TBC1D8: variants seen among roughly 807,000 people sequenced by gnomAD.
The protein encoded by TBC1D8 is TBC1 domain family member 8.
A neutral mutation model predicts 118.8 loss-of-function variants in TBC1D8; 65 were observed. The observed-to-expected ratio is 0.55, with a 90% CI of 0.45 to 0.67. TBC1D8 has a LOEUF of 0.67. TBC1D8 is among the 30% of genes least tolerant of loss of function. The pLI is 0.00. For missense variants in TBC1D8, 1,376 were observed against 1,471.2 expected, an observed-to-expected ratio of 0.94 and a Z score of 1.06; for synonymous variants, 566 against 595.8, an observed-to-expected ratio of 0.95 and a Z score of 0.73.
chr2:101,073,722 A>T (rs1019840561), intron 2 of TBC1D8, among the ~76,000 whole-genome samples: 2 of 152,146 alleles, frequency 1.3e-5, no homozygotes, highest in African/African-American at 4.8e-5. Flanking sequence ...TTGTACTTTT[A>T]TGTTATGGAG....
chr2:101,145,332 A>C (rs530246773), intron 1 of TBC1D8, among the ~76,000 whole-genome samples: 2 of 152,200 alleles, frequency 1.3e-5, no homozygotes, highest in Non-Finnish European at 2.9e-5. Flanking sequence ...TATGATCCTA[A>C]AATCAAACTA....
intron 2 of TBC1D8, among the ~76,000 whole-genome samples, chr2:101,086,944 T>A (rs1345728717): frequency 1.3e-5 from 2 of 151,934 alleles, no homozygotes; most frequent in Admixed American, 1.3e-4. Context: ...CAACCACCCC[T>A]GGCTAATTTC....
intron 1 of TBC1D8, among the ~76,000 whole-genome samples, chr2:101,117,740 A>AT (rs577356601): frequency 6.2e-4 from 94 of 151,018 alleles, no homozygotes; most frequent in Non-Finnish European, 1.2e-3. Flanking sequence ...TGCCTGGCTA[A>AT]TTTTTTTTGT....
chr2:101,021,061 A>G (rs1680001600), intron 17 of TBC1D8, among the ~76,000 whole-genome samples: 1 of 152,156 alleles, frequency 6.6e-6, no homozygotes, highest in South Asian at 2.1e-4. Flanking sequence ...AATCCCCCTC[A>G]GTGCCTACCA....
intron 2 of TBC1D8, among the ~76,000 whole-genome samples, 172 bp downstream of exon 2, chr2:101,090,037 G>A (rs536779555): frequency 2.6e-4 from 39 of 149,652 alleles, no homozygotes; most frequent in African/African-American, 9.1e-4. Flanking sequence ...CAGGGGAGAG[G>A]AGGGAAGGAG....
Position 101,022,327 on chromosome 2 carries a change from G to T in TBC1D8, c.2715C>A (p.Asp905Glu), listed in dbSNP as rs1242488514. ...TGAACTCGATGAGCTGGTCCATGTT[G>T]TCATCCAAGAGCCTGAACGTCCTTT... Reference protein sequence around the residue: ...LAERTFRLLDDNMDQLIEFKA... With the variant: ...LAERTFRLLDENMDQLIEFKA... Residue 905 changes from aspartate to glutamate, a missense_variant, in exon 16 of 20, where the codon GAC becomes GAA. Transcript: ENST00000409318. The T allele has an allele frequency of 1.9e-6, 3 of 1,612,820 alleles. No individual in the cohort carries two copies. Among genetic ancestry groups the T allele is most frequent in the Non-Finnish European group, 2.5e-6 (3 of 1,179,608 alleles).
chr2:101,038,463 T>C lies in TBC1D8; in HGVS notation c.1273A>G (p.Met425Val). The C allele has an allele frequency of 6.2e-7, 1 of 1,613,406 alleles. No individual in the cohort carries two copies. The highest frequency in any genetic ancestry group is 1.3e-5 in the African/African-American group (1 of 75,022). Residue 425 changes from methionine (M) to valine (V), a missense_variant and splice_region_variant, in exon 7 of 20, where the codon ATG (methionine) becomes GTG (valine). Transcript: ENST00000409318. ...VHYDTSADDD[M>V]ASLVFHSTSM... ...ATCAGGGTCTGGAGGGACCATACCA[T>C]GTCATCATCCGCAGAGGTGTCGTAG...
At chr2:101,023,132 GT>G (rs113530011) in intron 15 of TBC1D8, among the ~76,000 whole-genome samples, 1 of 138,922 alleles carries the variant, frequency 7.2e-6, no homozygotes. Flanking sequence ...GCAACAGAGC[GT>G]TTTTTTTGTT....
At chr2:101,043,854 C>T (rs1224687347) in intron 5 of TBC1D8, among the ~76,000 whole-genome samples, 2 of 152,106 alleles carry the variant, frequency 1.3e-5, no homozygotes, top group Admixed American at 6.5e-5. Context: ...GCAAGAGAAT[C>T]GCTTGAACCC....
At chr2:101,136,593 A>G (rs566344694) in intron 1 of TBC1D8, among the ~76,000 whole-genome samples, 1 of 152,354 alleles carries the variant, frequency 6.6e-6, no homozygotes, top group South Asian at 2.1e-4. Flanking sequence ...AGTGAGCATC[A>G]AAGCCTTCCT....
chr2:101,022,575 T>C, intron 15 of TBC1D8, 54 bp from the exon 16 acceptor site: 3 of 1,556,146 alleles, frequency 1.9e-6, no homozygotes, highest in Non-Finnish European at 2.6e-6. Flanking sequence ...CAAGCCACGT[T>C]ATTAACACAA....
intron 16 of TBC1D8, 99 bp downstream of exon 16, chr2:101,022,182 T>C: frequency 6.4e-7 from 1 of 1,557,682 alleles, no homozygotes; most frequent in East Asian, 2.3e-5. Flanking sequence ...ACAAAAGTGT[T>C]ACACCATGTG....
chr2:101,027,506 G>C, intron 14 of TBC1D8, 55 bp from the exon 15 acceptor site: 1 of 1,532,860 alleles, frequency 6.5e-7, no homozygotes, highest in East Asian at 2.3e-5. Context: ...ACCCCCAGGG[G>C]TCAGGGCAAG....
At position 101,008,057 on chromosome 2, in the gene TBC1D8, T is replaced by C; in HGVS notation, c.3232A>G (p.Thr1078Ala). ...TGGGAGTCCTGGGGCGTCTTCCCAG[T>C]GTCTGCAAAAACCGAGTCCTCAGGA... ...PSPEDSVFAD[T>A]GKTPQDSQAF... is the part of the protein sequence containing the mutation. The change falls in exon 20 of 20, where the codon ACT (threonine) becomes GCT (alanine). Residue 1078 changes from threonine (T) to alanine (A), a missense_variant. Coordinates refer to ENST00000409318, the MANE Select transcript of TBC1D8 (RefSeq NM_001330348.2). 1.2e-6 allele frequency: 2 copies of C among 1,613,972 alleles called. No homozygotes were observed. The highest frequency in any genetic ancestry group is 1.7e-6 in the Non-Finnish European group (2 of 1,179,882).
At chr2:101,022,585 A>G (rs1387789124) in intron 15 of TBC1D8, 64 bp from the exon 16 acceptor site, 18 of 1,536,066 alleles carry the variant, frequency 1.2e-5, no homozygotes, top group Non-Finnish European at 1.6e-5. Flanking sequence ...TATTAACACA[A>G]ACAAATACAA....
At chr2:101,145,720 G>A (rs891704874) in intron 1 of TBC1D8, among the ~76,000 whole-genome samples, 1 of 152,176 alleles carries the variant, frequency 6.6e-6, no homozygotes. Context: ...CACAGCATGA[G>A]CACTCACACT....
intron 17 of TBC1D8, chr2:101,019,521 C>CT (rs1323307615): frequency 6.5e-6 from 1 of 152,936 alleles, no homozygotes; most frequent in Non-Finnish European, 1.5e-5. Flanking sequence ...TTTCTTAAGG[C>CT]TTTTTTAACT....
intron 5 of TBC1D8, among the ~76,000 whole-genome samples, chr2:101,042,979 G>A (rs2105402958): frequency 6.6e-6 from 1 of 152,222 alleles, no homozygotes; most frequent in East Asian, 1.9e-4. Flanking sequence ...GCCCTTTCTG[G>A]TCTCATGTCC....
chr2:101,011,671 T>C, intron 17 of TBC1D8, 131 bp from the exon 18 acceptor site: 1 of 829,240 alleles, frequency 1.2e-6, no homozygotes, highest in South Asian at 1.6e-5. Context: ...TTTTGCAGGG[T>C]CCACGAACCC....
Sources: allele counts gnomAD v4.1 joint callset (sites outside exome capture counted in the v4.1 genomes callset), GRCh38; gene constraint gnomAD v4.1.1; transcripts MANE v1.5; gene names NCBI Gene and HGNC (gene_info 2026-07-23, HGNC 2026-07-21).